Variants in KAZN observed in about 807,000 individuals in gnomAD.
KAZN encodes kazrin.
In KAZN, 40 loss-of-function variants were observed where a neutral mutation model predicts 87.4. The ratio of observed to expected loss-of-function variants is 0.46; its 90% CI spans 0.36 to 0.60. KAZN has a LOEUF of 0.60. Ranked by LOEUF, KAZN falls within the 20% of genes least tolerant of loss-of-function variation. The pLI is 0.00. For missense variants in KAZN, 898 were observed against 1,073.9 expected, an observed-to-expected ratio of 0.84 and a Z score of 2.29; for synonymous variants, 466 against 458.3, an observed-to-expected ratio of 1.02 and a Z score of -0.22.
At chr1:14,322,992 C>A (rs537776813) in intron 2 of KAZN, among the ~76,000 whole-genome samples, 1 of 152,086 alleles carries the variant, frequency 6.6e-6, no homozygotes, top group Non-Finnish European at 1.5e-5. Flanking sequence ...CTTCACAAGG[C>A]GGCAGGAAGG....
chr1:14,854,888 G>A (rs79976507), intron 1 of KAZN, among the ~76,000 whole-genome samples: 1,799 of 152,242 alleles, frequency 0.012, 35 homozygotes, highest in East Asian at 0.053. Context: ...GTTGCCAGCC[G>A]CTCTGATGTT....
At chr1:15,069,368 A>C (rs1639405357) in intron 8 of KAZN, among the ~76,000 whole-genome samples, 1 of 152,150 alleles carries the variant, frequency 6.6e-6, no homozygotes. Flanking sequence ...TATGGCAAAA[A>C]CTTTGGCCCA....
chr1:15,010,452 G>A (rs963945875), intron 2 of KAZN, among the ~76,000 whole-genome samples: 8 of 141,718 alleles, frequency 5.6e-5, no homozygotes, highest in Admixed American at 3.8e-4. Flanking sequence ...GTGCAGTGGC[G>A]CAATCTCGGT....
intron 2 of KAZN, among the ~76,000 whole-genome samples, chr1:14,492,669 CA>C (rs1557756257): frequency 0.11 from 37 of 334 alleles, 3 homozygotes; most frequent in South Asian, 0.25. Context: ...ACCACAAATA[CA>C]CACTACACAC....
intron 1 of KAZN, among the ~76,000 whole-genome samples, chr1:14,805,785 AT>A (rs1646195688): frequency 6.7e-6 from 1 of 149,220 alleles, no homozygotes; most frequent in African/African-American, 2.4e-5. Context: ...AATAATAATA[AT>A]AATAATAATA....
At chr1:14,028,248 G>A (rs1303220358) in intron 1 of KAZN, among the ~76,000 whole-genome samples, 1 of 152,070 alleles carries the variant, frequency 6.6e-6, no homozygotes, top group Non-Finnish European at 1.5e-5. Context: ...CTTCATTCTG[G>A]CAGGAAGTAG....
chr1:14,040,789 T>A (rs6703603), intron 1 of KAZN, among the ~76,000 whole-genome samples: 68,756 of 123,946 alleles, frequency 0.55, 16,180 homozygotes, highest in East Asian at 0.73. Flanking sequence ...AAAATAAAAT[T>A]AAATTAAATT....
At chr1:14,615,225 G>A (rs1572052606) in intron 1 of KAZN, among the ~76,000 whole-genome samples, 2 of 152,274 alleles carry the variant, frequency 1.3e-5, no homozygotes, top group East Asian at 1.9e-4. Flanking sequence ...GTAAGGTGCC[G>A]ACCACCTGCT....
At chr1:14,167,330 G>A (rs1286071995) in intron 1 of KAZN, among the ~76,000 whole-genome samples, 2 of 152,134 alleles carry the variant, frequency 1.3e-5, no homozygotes, top group African/African-American at 4.8e-5. Flanking sequence ...AACATCCCGA[G>A]CCTCTGAAGG....
At chr1:14,205,884 C>CAAAAAAAAAATAAAAAA (rs1646730298) in intron 2 of KAZN, among the ~76,000 whole-genome samples, 1 of 35,220 alleles carries the variant, frequency 2.8e-5, no homozygotes, top group Non-Finnish European at 4.4e-5. Flanking sequence ...GACACTGTCT[C>CAAAAAAAAAATAAAAAA]AAAAAAAAAA....
chr1:14,121,995 A>T (rs1644761770), intron 1 of KAZN, among the ~76,000 whole-genome samples: 2 of 152,182 alleles, frequency 1.3e-5, no homozygotes, highest in South Asian at 4.1e-4. Flanking sequence ...AACACAGTAG[A>T]TGAGGCTAGA....
intron 2 of KAZN, among the ~76,000 whole-genome samples, chr1:14,388,291 G>T (rs765813365): frequency 4.2e-4 from 64 of 152,188 alleles, no homozygotes; most frequent in Non-Finnish European, 8.2e-4. Context: ...TGCTCACGCT[G>T]GGAGCTGTAG....
At chr1:14,901,074 G>A (rs1315985027) in intron 1 of KAZN, among the ~76,000 whole-genome samples, 1 of 152,198 alleles carries the variant, frequency 6.6e-6, no homozygotes, top group Non-Finnish European at 1.5e-5. Context: ...TGTGTGGTAG[G>A]GAGAGACATC....
At chr1:14,943,823 C>T (rs1394105458) in intron 1 of KAZN, among the ~76,000 whole-genome samples, 1 of 151,812 alleles carries the variant, frequency 6.6e-6, no homozygotes, top group Non-Finnish European at 1.5e-5. Flanking sequence ...TGTAATCCCA[C>T]CACTTTGGGA....
chr1:14,827,733 A>AT (rs1190359871), intron 1 of KAZN, among the ~76,000 whole-genome samples: 1 of 152,154 alleles, frequency 6.6e-6, no homozygotes, highest in Non-Finnish European at 1.5e-5. Context: ...GCAAGCTTCA[A>AT]TTTTTTAATA....
At chr1:14,344,288 G>A (rs569892556) in intron 2 of KAZN, among the ~76,000 whole-genome samples, 3 of 149,288 alleles carry the variant, frequency 2.0e-5, no homozygotes, top group East Asian at 1.9e-4. Context: ...ACTGAGATGT[G>A]CTGGAATTAT....
intron 2 of KAZN, among the ~76,000 whole-genome samples, chr1:14,255,214 G>A (rs1335208375): frequency 2.0e-5 from 3 of 151,708 alleles, no homozygotes; most frequent in Non-Finnish European, 4.4e-5. Flanking sequence ...GTTGGGGGGC[G>A]GGTTGCCACA....
At chr1:14,027,341 G>T (rs1005527187) in intron 1 of KAZN, among the ~76,000 whole-genome samples, 6 of 152,172 alleles carry the variant, frequency 3.9e-5, no homozygotes, top group Non-Finnish European at 7.3e-5. Context: ...TGGTAACCGG[G>T]TGACATCCCT....
chr1:14,097,778 T>G (rs1644161443), intron 1 of KAZN, among the ~76,000 whole-genome samples: 1 of 152,316 alleles, frequency 6.6e-6, no homozygotes. Context: ...TGACTAGCTT[T>G]TATCTTAATA....
Sources: gnomAD v4.1 joint callset for allele counts (sites outside exome capture counted in the v4.1 genomes callset) on GRCh38, gnomAD v4.1.1 for gene constraint, MANE v1.5 for transcripts, NCBI Gene and HGNC (gene_info 2026-07-23, HGNC 2026-07-21) for gene names.